Variants in PRKN observed in about 807,000 individuals in gnomAD.
PRKN encodes parkin RBR E3 ubiquitin protein ligase.
In PRKN, 56 loss-of-function variants were observed where a neutral mutation model predicts 59.5. The ratio of observed to expected loss-of-function variants is 0.94; its 90% CI spans 0.76 to 1.18. The LOEUF (loss-of-function observed/expected upper bound fraction) is 1.18. PRKN is among the 50% of genes most tolerant of loss of function. The pLI, the probability that PRKN is intolerant of heterozygous loss-of-function variation, is 0.00. For synonymous variants in PRKN, 250 were observed against 222.1 expected, an observed-to-expected ratio of 1.13 and a Z score of -1.12; for missense variants, 657 against 596.4, an observed-to-expected ratio of 1.10 and a Z score of -1.06.
chr6:162,112,423 A>G (rs1780478577), intron 4 of PRKN, among the ~76,000 whole-genome samples: 3 of 152,312 alleles, frequency 2.0e-5, no homozygotes, highest in Middle Eastern at 3.4e-3. Flanking sequence ...TTATTAAAAT[A>G]CCACATATTA....
rs191625450 is a variant in PRKN at position 161,623,148 on chromosome 6, G to A, written c.872-53732C>T. The stretch of plus-strand genomic sequence containing the variant: ...ATGTACAAAGCCATAGTTAACACTC[G>A]AGAGCCTATGGGTGAGTCCACTGAG... On this transcript the variant is annotated intron_variant, in intron 7 of 11. Transcript: ENST00000366898. Among the ~76,000 whole-genome samples, 535 of 152,238 alleles carry A rather than the reference G, an allele frequency of 3.5e-3. 6 individuals carry two copies. The highest frequency in any genetic ancestry group is 5.7e-3 in the Non-Finnish European group (391 of 68,018).
chr6:162,116,181 AT>A (rs1780664650), intron 4 of PRKN, among the ~76,000 whole-genome samples: 1 of 152,194 alleles, frequency 6.6e-6, no homozygotes, highest in Non-Finnish European at 1.5e-5. Flanking sequence ...AATTTACTTG[AT>A]TTAACAAGCT....
intron 10 of PRKN, among the ~76,000 whole-genome samples, chr6:161,384,870 T>C (rs1252180584): frequency 2.0e-5 from 3 of 152,238 alleles, no homozygotes; most frequent in African/African-American, 7.2e-5. Flanking sequence ...ATATTCATTT[T>C]CCAGTAAATC....
At chr6:162,526,306 T>A (rs1583727669) in intron 1 of PRKN, among the ~76,000 whole-genome samples, 2 of 140,352 alleles carry the variant, frequency 1.4e-5, no homozygotes, top group African/African-American at 2.6e-5. Context: ...ATACTTGGTA[T>A]CATTAGAAGT....
At chr6:162,642,537 A>G (rs1265528478) in intron 1 of PRKN, among the ~76,000 whole-genome samples, 1 of 152,098 alleles carries the variant, frequency 6.6e-6, no homozygotes, top group Non-Finnish European at 1.5e-5. Context: ...GTAATTCAAT[A>G]TATTTGAAAA....
intron 2 of PRKN, among the ~76,000 whole-genome samples, chr6:162,411,548 A>G (rs564255045): frequency 1.3e-5 from 2 of 152,336 alleles, no homozygotes; most frequent in South Asian, 4.1e-4. Flanking sequence ...CAAAAACATA[A>G]TATTATTATT....
At chr6:161,755,212 A>G (rs1788864491) in intron 7 of PRKN, among the ~76,000 whole-genome samples, 1 of 152,146 alleles carries the variant, frequency 6.6e-6, no homozygotes, top group African/African-American at 2.4e-5. Flanking sequence ...GGGGAGGTGC[A>G]TGACAGAAAG....
chr6:161,877,936 G>A (rs879747153), intron 6 of PRKN, among the ~76,000 whole-genome samples: 8 of 151,940 alleles, frequency 5.3e-5, no homozygotes, highest in Admixed American at 5.2e-4. Flanking sequence ...GGCGCTCAAT[G>A]AGGGAGTGGG....
At chr6:161,860,985 G>C (rs1428214799) in intron 6 of PRKN, among the ~76,000 whole-genome samples, 3 of 152,198 alleles carry the variant, frequency 2.0e-5, no homozygotes, top group Non-Finnish European at 4.4e-5. Flanking sequence ...GTTGGTGGGA[G>C]TGTAAATTAG....
At chr6:161,370,398 A>G (rs1455590134) in intron 10 of PRKN, among the ~76,000 whole-genome samples, 2 of 148,372 alleles carry the variant, frequency 1.3e-5, no homozygotes, top group Non-Finnish European at 3.0e-5. Flanking sequence ...GGCTAACACG[A>G]TGAAACCCCA....
chr6:161,749,198 G>A (rs534058530), intron 7 of PRKN, among the ~76,000 whole-genome samples: 8 of 152,208 alleles, frequency 5.3e-5, no homozygotes, highest in Non-Finnish European at 1.0e-4. Context: ...CTAGAGGGGC[G>A]CAGCTTCGCC....
rs143899755 is a variant in PRKN at position 161,507,375 on chromosome 6, G to A, written c.1083+41479C>T. On this transcript the variant is annotated intron_variant, in intron 9 of 11. Transcript: ENST00000366898. ...TCCATTTCCTATCAAGTGAATTTGGGGCATCAGTTCTCAGTTTTGACACAA... is the reference window on the plus strand; with the variant it reads ...TCCATTTCCTATCAAGTGAATTTGGAGCATCAGTTCTCAGTTTTGACACAA... 3.1e-3 allele frequency among the ~76,000 whole-genome samples: 467 copies of A among 152,200 alleles called. 2 individuals carry two copies. Among genetic ancestry groups the A allele is most frequent in the African/African-American group, 0.01 (428 of 41,516 alleles).
At chr6:161,741,967 T>C (rs1292984968) in intron 7 of PRKN, among the ~76,000 whole-genome samples, 2 of 151,728 alleles carry the variant, frequency 1.3e-5, no homozygotes, top group African/African-American at 2.4e-5. Flanking sequence ...TATTTATTTA[T>C]TTATTTATTT....
intron 9 of PRKN, among the ~76,000 whole-genome samples, chr6:161,398,286 A>C (rs1786860639): frequency 6.6e-6 from 1 of 152,162 alleles, no homozygotes; most frequent in Non-Finnish European, 1.5e-5. Context: ...TGGAGCATCC[A>C]TGAGACATGA....
intron 1 of PRKN, among the ~76,000 whole-genome samples, chr6:162,648,188 A>C (rs998950704): frequency 6.6e-6 from 1 of 152,106 alleles, no homozygotes; most frequent in South Asian, 2.1e-4. Context: ...AAGGAAAGAC[A>C]GACAGCCTTC....
At chr6:161,716,613 AGG>A in intron 7 of PRKN, among the ~76,000 whole-genome samples, 1 of 152,206 alleles carries the variant, frequency 6.6e-6, no homozygotes. Context: ...GTGTCTCAAG[AGG>A]GGGGGAAAAG....
intron 9 of PRKN, among the ~76,000 whole-genome samples, chr6:161,489,517 G>A (rs568717029): frequency 9.9e-5 from 15 of 152,220 alleles, no homozygotes; most frequent in East Asian, 7.7e-4. Context: ...CCAAGATGGC[G>A]CCACTTCACT....
In PRKN at chr6:162,565,697, A is replaced by AATACATACATAC. The variant is rs55883841; in HGVS notation, c.8-122236_8-122225dup. 1.3e-3 allele frequency among the ~76,000 whole-genome samples: 192 copies of AATACATACATAC among 148,780 alleles called. 2 individuals carry two copies. The highest frequency in any genetic ancestry group is 6.9e-3 in the Middle Eastern group (2 of 288). On this transcript the variant is annotated intron_variant, in intron 1 of 11. Coordinates refer to ENST00000366898, the MANE Select transcript of PRKN (RefSeq NM_004562.3). ...AAGAGTGAAACTCAGTCTCAAAATA[A>AATACATACATAC]ATACATACATACATACATACATACA... is the stretch of plus-strand genomic sequence containing the variant.
chr6:162,110,445 T>C (rs969944713), intron 4 of PRKN, among the ~76,000 whole-genome samples: 1 of 152,194 alleles, frequency 6.6e-6, no homozygotes, highest in South Asian at 2.1e-4. Flanking sequence ...CAAAACTATG[T>C]AGGAGCTGAT....
Sources: allele counts gnomAD v4.1 joint callset (sites outside exome capture counted in the v4.1 genomes callset), GRCh38; gene constraint gnomAD v4.1.1; transcripts MANE v1.5; gene names NCBI Gene and HGNC (gene_info 2026-07-23, HGNC 2026-07-21).